The following MTUS2 variants were observed in gnomAD, a reference collection of about 807,000 sequenced individuals.
The protein encoded by MTUS2 is microtubule associated scaffold protein 2, also known as microtubule-associated tumor suppressor candidate 2.
A neutral mutation model predicts 114.1 loss-of-function variants in MTUS2; 40 were observed. That is an observed-to-expected ratio of 0.35 (90% CI 0.27 to 0.46). The LOEUF is 0.46. Among genes scored for constraint, MTUS2 ranks in the 20% least tolerant of loss-of-function variants. The pLI is 1.00. For missense variants in MTUS2, 1,679 were observed against 1,705.4 expected, an observed-to-expected ratio of 0.98 and a Z score of 0.27; for synonymous variants, 688 against 672.0, an observed-to-expected ratio of 1.02 and a Z score of -0.37.
rs1289746155 is a variant in MTUS2, at chr13:29,392,463, C to T, written c.3117+32990C>T. ...AGAGCTGAACTCCCGACTCACAGGA[C>T]ACACAGCTGAGGAGACATCTCCTCT... On this transcript the variant is annotated intron_variant, in intron 8 of 15. Coordinates refer to ENST00000612955, the MANE Select transcript of MTUS2 (RefSeq NM_001033602.4). Among the ~76,000 whole-genome samples, 3 of 152,312 alleles carry T rather than the reference C, an allele frequency of 2.0e-5. No individual in the cohort carries two copies. In the East Asian group the frequency reaches 5.8e-4, roughly 29 times the overall value.
At chr13:29,245,629 A>C (rs1204534169) in intron 5 of MTUS2, among the ~76,000 whole-genome samples, 1 of 152,178 alleles carries the variant, frequency 6.6e-6, no homozygotes, top group East Asian at 1.9e-4. Context: ...TCTAGCAAAG[A>C]CAGAGTAGGC....
At chr13:29,073,734 T>C (rs1198525382) in intron 4 of MTUS2, among the ~76,000 whole-genome samples, 4 of 152,186 alleles carry the variant, frequency 2.6e-5, no homozygotes, top group East Asian at 1.9e-4. Context: ...CCCTACAGGC[T>C]GACCACTCTG....
chr13:28,847,543 C>T (rs928137867), intron 2 of MTUS2, among the ~76,000 whole-genome samples: 2 of 152,168 alleles, frequency 1.3e-5, no homozygotes, highest in Non-Finnish European at 2.9e-5. Flanking sequence ...CTATCAATTT[C>T]CGCTGCATCC....
chr13:29,074,876 T>C (rs2475517), intron 4 of MTUS2, among the ~76,000 whole-genome samples: 149,214 of 152,316 alleles, frequency 0.98, 73,129 homozygotes, highest in Non-Finnish European at 1. Context: ...CATATTTCAC[T>C]ATATATTTCC....
intron 11 of MTUS2, among the ~76,000 whole-genome samples, chr13:29,491,807 G>A (rs1397714830): frequency 8.2e-6 from 1 of 122,350 alleles, no homozygotes; most frequent in East Asian, 2.1e-4. Context: ...CGTATGTGAT[G>A]TGTGTGGGGT....
chr13:29,185,319 G>T (rs934144720), intron 5 of MTUS2, among the ~76,000 whole-genome samples: 4 of 152,160 alleles, frequency 2.6e-5, no homozygotes, highest in African/African-American at 9.7e-5. Context: ...ATGCAAATGG[G>T]CGTCCCACAA....
At chr13:29,417,128 G>A (rs921714880) in intron 8 of MTUS2, among the ~76,000 whole-genome samples, 3 of 152,270 alleles carry the variant, frequency 2.0e-5, no homozygotes, top group Middle Eastern at 3.4e-3. Flanking sequence ...CTTTGGGTGA[G>A]GACCTCAGAA....
chr13:29,088,638 G>T (rs75401014), intron 4 of MTUS2, among the ~76,000 whole-genome samples: 4,966 of 152,218 alleles, frequency 0.033, 122 homozygotes, highest in Middle Eastern at 0.082. Flanking sequence ...TCTTGGTGCT[G>T]CAATATTGGG....
chr13:28,949,567 C>T (rs1882707613), intron 2 of MTUS2, among the ~76,000 whole-genome samples: 1 of 152,116 alleles, frequency 6.6e-6, no homozygotes, highest in South Asian at 2.1e-4. Flanking sequence ...ATCTAGAACT[C>T]TTTTTTTCAC....
intron 7 of MTUS2, among the ~76,000 whole-genome samples, chr13:29,356,912 C>T (rs182428645): frequency 7.9e-5 from 12 of 152,244 alleles, no homozygotes; most frequent in East Asian, 5.8e-4. Context: ...TGTCACAGAG[C>T]GGCTAAACTT....
At chr13:28,835,633 A>G (rs73452675) in intron 1 of MTUS2, among the ~76,000 whole-genome samples, 1,979 of 152,302 alleles carry the variant, frequency 0.013, 44 homozygotes, top group African/African-American at 0.045. Context: ...ACCTTTTAAG[A>G]TCATGAATTT....
At chr13:28,986,286 T>C (rs147190640) in intron 2 of MTUS2, among the ~76,000 whole-genome samples, 196 of 152,142 alleles carry the variant, frequency 1.3e-3, no homozygotes, top group African/African-American at 4.5e-3. Context: ...TGGATGACAG[T>C]GGTCTTGAGG....
chr13:28,952,795 A>G (rs1882874230), intron 2 of MTUS2, among the ~76,000 whole-genome samples: 1 of 152,256 alleles, frequency 6.6e-6, no homozygotes, highest in Non-Finnish European at 1.5e-5. Context: ...TTTTATGGCT[A>G]CATACTGTTC....
intron 8 of MTUS2, among the ~76,000 whole-genome samples, chr13:29,378,304 AAG>A (rs990613189): frequency 2.0e-5 from 3 of 151,620 alleles, no homozygotes; most frequent in African/African-American, 7.3e-5. Context: ...AAAAAGAAAA[AAG>A]CGATAATTCA....
At chr13:29,382,252 T>C (rs1174557766) in intron 8 of MTUS2, among the ~76,000 whole-genome samples, 1 of 152,080 alleles carries the variant, frequency 6.6e-6, no homozygotes, top group African/African-American at 2.4e-5. Flanking sequence ...CTGGCCCTTA[T>C]CTAAGAGCAA....
At chr13:29,001,303 A>G (rs1415930099) in intron 2 of MTUS2, among the ~76,000 whole-genome samples, 1 of 152,174 alleles carries the variant, frequency 6.6e-6, no homozygotes, top group Non-Finnish European at 1.5e-5. Flanking sequence ...GATCTGGGAC[A>G]TTGTTCCAGG....
intron 5 of MTUS2, among the ~76,000 whole-genome samples, chr13:29,128,461 G>C (rs933395028): frequency 6.6e-6 from 1 of 152,050 alleles, no homozygotes; most frequent in Admixed American, 6.6e-5. Context: ...AGGTCTTCAG[G>C]ATTATTTCGC....
At chr13:29,378,234 T>C (rs1435861404) in intron 8 of MTUS2, among the ~76,000 whole-genome samples, 2 of 152,068 alleles carry the variant, frequency 1.3e-5, no homozygotes, top group African/African-American at 4.8e-5. Context: ...CACAAAAAAG[T>C]CAATTGCACA....
chr13:28,863,095 C>T (rs1460363170), intron 2 of MTUS2, among the ~76,000 whole-genome samples: 2 of 152,070 alleles, frequency 1.3e-5, no homozygotes, highest in African/African-American at 4.8e-5. Flanking sequence ...CGAAACATTC[C>T]AGTAATGTGC....
Sources: allele counts gnomAD v4.1 joint callset (sites outside exome capture counted in the v4.1 genomes callset), GRCh38; gene constraint gnomAD v4.1.1; transcripts MANE v1.5; gene names NCBI Gene and HGNC (gene_info 2026-07-23, HGNC 2026-07-21).